TRIO: variants seen among roughly 807,000 people sequenced by gnomAD.
The protein encoded by TRIO is triple functional domain protein.
In TRIO, 58 loss-of-function variants were observed where a neutral mutation model predicts 351.9. The ratio of observed to expected loss-of-function variants is 0.16; its 90% CI spans 0.13 to 0.21. TRIO has a LOEUF of 0.21. Among genes scored for constraint, TRIO ranks in the 10% least tolerant of loss-of-function variants. The pLI is 1.00. For missense variants in TRIO, 3,201 were observed against 4,027.8 expected (o/e 0.79, Z 5.56); for synonymous variants, 1,758 against 1,595.7 (o/e 1.10, Z -2.42).
chr5:14,152,513 G>A (rs984306265), intron 1 of TRIO, among the ~76,000 whole-genome samples: 4 of 152,144 alleles, frequency 2.6e-5, no homozygotes, highest in African/African-American at 9.7e-5. Flanking sequence ...GGGATTACAG[G>A]CGCCCGCCAC....
intron 1 of TRIO, among the ~76,000 whole-genome samples, chr5:14,216,277 G>C (rs1205773161): frequency 6.6e-6 from 1 of 152,150 alleles, no homozygotes; most frequent in Non-Finnish European, 1.5e-5. Flanking sequence ...TTTCTCTTAG[G>C]TAGTTTATGA....
chr5:14,153,219 C>G (rs1787934412), intron 1 of TRIO, among the ~76,000 whole-genome samples: 1 of 152,200 alleles, frequency 6.6e-6, no homozygotes, highest in Admixed American at 6.5e-5. Flanking sequence ...AACAGCCTGC[C>G]CCTGGCCATG....
intron 1 of TRIO, among the ~76,000 whole-genome samples, chr5:14,172,264 G>A (rs1414084028): frequency 6.6e-6 from 1 of 152,196 alleles, no homozygotes; most frequent in Non-Finnish European, 1.5e-5. Context: ...TAACTGAATA[G>A]CCAAGCAGTA....
At chr5:14,401,143 ATAT>A (rs757218193) in intron 31 of TRIO, 79 bp downstream of exon 31, 61 of 1,190,744 alleles carry the variant, frequency 5.1e-5, no homozygotes, top group Non-Finnish European at 6.6e-5. Flanking sequence ...CGTTGTTTTC[ATAT>A]TATTATTATT....
At position 14,304,610 on chromosome 5, in the gene TRIO, C is replaced by A. The variant is rs780232464; in HGVS notation, c.1500+18C>A. 2.7e-5 allele frequency: 44 copies of A among 1,604,976 alleles called. No homozygotes were observed. In the Middle Eastern group the frequency reaches 5.0e-4, roughly 18 times the overall value. The stretch of plus-strand genomic sequence containing the variant: ...ATTCTGAGGTAAGTGGCCAGTTTTA[C>A]TTACATTGCAAAGCAGCATCATTTT... On this transcript the variant is annotated intron_variant, in intron 8 of 56. Coordinates refer to ENST00000344204, the MANE Select transcript of TRIO (RefSeq NM_007118.4).
intron 1 of TRIO, among the ~76,000 whole-genome samples, chr5:14,168,106 C>T (rs1221246457): frequency 6.6e-6 from 1 of 152,172 alleles, no homozygotes; most frequent in Non-Finnish European, 1.5e-5. Flanking sequence ...GGAAAAGTTT[C>T]TAGAACAATT....
chr5:14,431,750 C>T (rs1751169069), intron 34 of TRIO, among the ~76,000 whole-genome samples: 1 of 152,032 alleles, frequency 6.6e-6, no homozygotes. Flanking sequence ...GATTAAACAA[C>T]AGACATTTAT....
At chr5:14,381,409 C>T (rs1382355262) in intron 21 of TRIO, among the ~76,000 whole-genome samples, 157 bp downstream of exon 21, 1 of 152,176 alleles carries the variant, frequency 6.6e-6, no homozygotes, top group Non-Finnish European at 1.5e-5. Context: ...TCACGTGTGT[C>T]CCTCCGTGTC....
intron 34 of TRIO, among the ~76,000 whole-genome samples, chr5:14,443,718 T>C (rs1333976078): frequency 6.6e-6 from 1 of 152,248 alleles, no homozygotes; most frequent in Non-Finnish European, 1.5e-5. Context: ...CAGAAGCCTG[T>C]TTTATGTGCT....
Position 14,509,361 on chromosome 5 carries a change from T to C in TRIO, c.*939T>C. 2.3e-6 allele frequency: 1 copy of C among 426,232 alleles called. No individual in the cohort carries two copies. The allele number at this position is 426,232 out of a possible 1,614,324, so 26.4% of individuals were successfully genotyped here. On this transcript the variant is annotated 3_prime_UTR_variant, in exon 57 of 57. Transcript: ENST00000344204. ...ATATAGAAAAAGCACATACTTCGTATGGTGAGCTTTATGGTTTTGTGTGTG... is the reference window on the plus strand; with the variant it reads ...ATATAGAAAAAGCACATACTTCGTACGGTGAGCTTTATGGTTTTGTGTGTG...
At chr5:14,326,761 G>A (rs1240671277) in intron 9 of TRIO, among the ~76,000 whole-genome samples, 2 of 152,186 alleles carry the variant, frequency 1.3e-5, no homozygotes, top group African/African-American at 4.8e-5. Context: ...ATCTTAGTAT[G>A]TTTTAAATGG....
Position 14,179,141 on chromosome 5 carries a change from C to T in TRIO, c.157+35259C>T, listed in dbSNP as rs1218316463. On this transcript the variant is annotated intron_variant, in intron 1 of 56. Coordinates refer to ENST00000344204, the MANE Select transcript of TRIO (RefSeq NM_007118.4). ...TTTGGTCATAGTCCCCTGCTGCTCCCGGCCAGCACGTCGGTGTCCCGTCCT... is the reference window on the plus strand; with the variant it reads ...TTTGGTCATAGTCCCCTGCTGCTCCTGGCCAGCACGTCGGTGTCCCGTCCT... 3.9e-5 allele frequency among the ~76,000 whole-genome samples: 6 copies of T among 152,172 alleles called. No homozygotes were observed. The East Asian group carries it at 7.7e-4, about 20-fold the overall frequency.
At chr5:14,248,358 C>T (rs764797233) in intron 1 of TRIO, among the ~76,000 whole-genome samples, 2 of 152,246 alleles carry the variant, frequency 1.3e-5, no homozygotes, top group African/African-American at 2.4e-5. Flanking sequence ...CTTGCTCTTG[C>T]GAAGTGTGTT....
chr5:14,304,415 A>G (rs758886933), intron 7 of TRIO, 46 bp from the exon 8 acceptor site: 117 of 1,573,708 alleles, frequency 7.4e-5, no homozygotes, highest in Non-Finnish European at 9.8e-5. Context: ...CCACTTCTCA[A>G]TATAAATTGT....
Position 14,330,862 on chromosome 5 carries a change from T to C in TRIO, c.1816T>C (p.Leu606=). 6.2e-7 allele frequency: 1 copy of C among 1,614,180 alleles called. No homozygotes were observed. Among genetic ancestry groups the C allele is most frequent in the Non-Finnish European group, 8.5e-7 (1 of 1,179,992 alleles). ...GAAATCTCTTCATCGGGCCAGAGCA[T>C]TGCAGAAACGTCATGAAGATTTTGA... ...VGKSLHRARA[L]QKRHEDFEEV... The change falls in exon 10 of 57, where the codon TTG becomes CTG. Residue 606 remains leucine, a synonymous_variant. Coordinates refer to ENST00000344204, the MANE Select transcript of TRIO (RefSeq NM_007118.4).
In TRIO at chr5:14,316,716, G is replaced by A. The variant is rs776261165; in HGVS notation, c.1704G>A (p.Leu568=). 35 of 1,614,076 alleles carry A rather than the reference G, an allele frequency of 2.2e-5. No homozygotes were observed. The highest frequency in any genetic ancestry group is 3.0e-5 in the Non-Finnish European group (35 of 1,179,966). Residue 568 remains leucine, a synonymous_variant, in exon 9 of 57, where the codon CTG becomes CTA. Coordinates refer to ENST00000344204, the MANE Select transcript of TRIO (RefSeq NM_007118.4). ...RKVRLHQRLQ[L]CVFQQDVQQV... ...TCCGGCTGCATCAGAGGCTGCAGCTGTGTGTTTTCCAGCAGGACGTTCAGC... is the reference window on the plus strand; with the variant it reads ...TCCGGCTGCATCAGAGGCTGCAGCTATGTGTTTTCCAGCAGGACGTTCAGC...
chr5:14,194,246 T>TA (rs1456532986), intron 1 of TRIO, among the ~76,000 whole-genome samples: 1 of 152,196 alleles, frequency 6.6e-6, no homozygotes. Context: ...TATTTTGTCT[T>TA]ACAACTTGAT....
Position 14,390,267 on chromosome 5 carries a change from G to T in TRIO, c.4095G>T (p.Leu1365Phe). Residue 1365 changes from leucine (L) to phenylalanine (F), a missense_variant, in exon 26 of 57, where the codon TTG becomes TTT. Leu to Phe is a conservative substitution (Grantham distance 22). Around this residue, in one of 19 missense-constraint regions of TRIO, gnomAD observed 115 missense variants for 239.6 expected, o/e 0.48. Coordinates refer to ENST00000344204, the MANE Select transcript of TRIO (RefSeq NM_007118.4). ...FLKELEKYEQ[L>F]PEDVGHCFVT... ...AGGAGCTGGAAAAATATGAACAGTT[G>T]CCAGAGGATGTTGGACATTGTTTTG... 1 of 1,614,072 alleles carries T rather than the reference G, an allele frequency of 6.2e-7. No homozygotes were observed. Among genetic ancestry groups the T allele is most frequent in the Non-Finnish European group, 8.5e-7 (1 of 1,180,006 alleles).
At chr5:14,306,668 A>C (rs73059509) in intron 8 of TRIO, among the ~76,000 whole-genome samples, 5,430 of 152,332 alleles carry the variant, frequency 0.036, 325 homozygotes, top group African/African-American at 0.12. Context: ...TTCATTTACA[A>C]GGTGATTGGC....
Sources: allele counts gnomAD v4.1 joint callset (sites outside exome capture counted in the v4.1 genomes callset), GRCh38; gene constraint gnomAD v4.1.1; regional missense constraint gnomAD v4.1.1; transcripts MANE v1.5; gene names NCBI Gene and HGNC (gene_info 2026-07-23, HGNC 2026-07-21).